Variants in EPHA5 observed in about 807,000 individuals in gnomAD.
EPHA5 encodes EPH receptor A5.
A neutral mutation model predicts 105.0 loss-of-function variants in EPHA5; 60 were observed. That is an observed-to-expected ratio of 0.57 (90% confidence interval 0.46 to 0.71). The LOEUF (loss-of-function observed/expected upper bound fraction) is 0.71. EPHA5 is among the 30% of genes least tolerant of loss of function. The probability of loss-of-function intolerance (pLI) is 0.00; values close to 1 mark genes in which losing one functional copy is unlikely to be tolerated. For synonymous variants in EPHA5, 513 were observed against 449.1 expected, an observed-to-expected ratio of 1.14 and a Z score of -1.80; for missense variants, 1,218 against 1,274.7, an observed-to-expected ratio of 0.96 and a Z score of 0.68.
intron 10 of EPHA5, 77 bp from the exon 11 acceptor site, chr4:65,365,279 C>T (rs190721217): frequency 4.4e-5 from 52 of 1,183,488 alleles, no homozygotes; most frequent in East Asian, 2.6e-4. Flanking sequence ...CCCTCTTAGA[C>T]TACTAAGGCT....
chr4:65,419,302 C>A (rs1425156607), intron 6 of EPHA5, among the ~76,000 whole-genome samples: 1 of 152,134 alleles, frequency 6.6e-6, no homozygotes, highest in Non-Finnish European at 1.5e-5. Flanking sequence ...TATTCTCCCT[C>A]TCTTTTCCAA....
At chr4:65,642,382 T>C (rs181560017) in intron 2 of EPHA5, among the ~76,000 whole-genome samples, 106 of 152,150 alleles carry the variant, frequency 7.0e-4, no homozygotes, top group Admixed American at 1.8e-3. Flanking sequence ...AAAGTATACA[T>C]GTTATCATCT....
chr4:65,446,687 C>T (rs543383011), intron 5 of EPHA5, among the ~76,000 whole-genome samples: 2 of 152,092 alleles, frequency 1.3e-5, no homozygotes, highest in East Asian at 3.9e-4. Context: ...CATGTATGCA[C>T]ATGGGGTGCA....
chr4:65,417,324 CT>C (rs1343586107), intron 6 of EPHA5, among the ~76,000 whole-genome samples: 2 of 152,314 alleles, frequency 1.3e-5, no homozygotes, highest in South Asian at 2.1e-4. Flanking sequence ...TCAAAATCAG[CT>C]TTGAAAACCT....
intron 11 of EPHA5, among the ~76,000 whole-genome samples, chr4:65,353,901 T>C (rs1723063695): frequency 6.6e-6 from 1 of 151,824 alleles, no homozygotes; most frequent in Non-Finnish European, 1.5e-5. Context: ...GTGAAAGATT[T>C]CCTTAGCAGT....
At position 65,366,042 on chromosome 4, in the gene EPHA5, A is replaced by G; in HGVS notation, c.1877T>C (p.Val626Ala). The change falls in exon 10 of 17, where the codon GTA becomes GCA. Residue 626 changes from valine (V) to alanine (A), a missense_variant. By Grantham distance (64) the Val-to-Ala change is moderately conservative. This residue lies in a region of EPHA5 where 971 missense variants were observed against 1,013.5 expected (regional missense o/e 0.96). Coordinates refer to ENST00000613740, the MANE Select transcript of EPHA5 (RefSeq NM_001281766.3). ...FHNGHIKLPG[V>A]RTYIDPHTYE... ...GGTATGTGGATCAATGTAAGTTCTT[A>G]CTCCTGGCAGTTTAACTGTAAATAT... 2 of 1,598,164 alleles carry G rather than the reference A, an allele frequency of 1.3e-6. No homozygotes were observed. The highest frequency in any genetic ancestry group is 2.2e-5 in the East Asian group (1 of 44,630).
intron 3 of EPHA5, among the ~76,000 whole-genome samples, chr4:65,584,441 T>C (rs1741924752): frequency 6.6e-6 from 1 of 151,850 alleles, no homozygotes; most frequent in African/African-American, 2.4e-5. Flanking sequence ...ATAAAGCCCT[T>C]TTCGGATTTT....
At chr4:65,549,841 T>C (rs1261589174) in intron 3 of EPHA5, among the ~76,000 whole-genome samples, 2 of 152,084 alleles carry the variant, frequency 1.3e-5, no homozygotes, top group Non-Finnish European at 2.9e-5. Flanking sequence ...TAAAATTTCT[T>C]GTAGACAAAG....
intron 2 of EPHA5, among the ~76,000 whole-genome samples, chr4:65,604,035 AT>A (rs1319488385): frequency 3.8e-4 from 2 of 5,248 alleles, no homozygotes; most frequent in Non-Finnish European, 8.8e-4. Context: ...TATTTTTTGA[AT>A]TAGTCAAATG....
chr4:65,572,766 C>T (rs978161334), intron 3 of EPHA5, among the ~76,000 whole-genome samples: 2 of 151,858 alleles, frequency 1.3e-5, no homozygotes, highest in African/African-American at 4.8e-5. Flanking sequence ...CGTGGTGGCT[C>T]ACGCCTATAA....
chr4:65,660,053 T>A (rs1749425409), intron 1 of EPHA5, among the ~76,000 whole-genome samples: 1 of 152,084 alleles, frequency 6.6e-6, no homozygotes, highest in Non-Finnish European at 1.5e-5. Flanking sequence ...TACATATATA[T>A]GACATTTTAT....
intron 3 of EPHA5, among the ~76,000 whole-genome samples, chr4:65,520,601 T>C (rs1734596209): frequency 6.6e-6 from 1 of 151,976 alleles, no homozygotes. Context: ...ACCTACAGAA[T>C]GGGAGAAAAT....
chr4:65,448,202 C>T (rs1293422876), intron 5 of EPHA5, among the ~76,000 whole-genome samples: 1 of 145,298 alleles, frequency 6.9e-6, no homozygotes, highest in Non-Finnish European at 1.5e-5. Flanking sequence ...AAAAGTATGT[C>T]ATGAGAAATG....
intron 14 of EPHA5, among the ~76,000 whole-genome samples, chr4:65,347,158 A>G (rs1045054726): frequency 4.1e-5 from 6 of 146,320 alleles, no homozygotes; most frequent in Non-Finnish European, 6.0e-5. Flanking sequence ...TTTATGGAGC[A>G]TGGATGACAG....
intron 2 of EPHA5, among the ~76,000 whole-genome samples, chr4:65,632,553 A>AAAAAT: frequency 6.6e-6 from 1 of 151,114 alleles, no homozygotes; most frequent in African/African-American, 2.4e-5. Context: ...AAAAAAAAAA[A>AAAAAT]TCTGCAGCCT....
intron 6 of EPHA5, among the ~76,000 whole-genome samples, chr4:65,416,039 T>G (rs1342076375): frequency 6.6e-6 from 1 of 152,064 alleles, no homozygotes; most frequent in East Asian, 1.9e-4. Context: ...TATTTCTCAA[T>G]AATATTCAAC....
chr4:65,619,155 A>G (rs548480443), intron 2 of EPHA5, among the ~76,000 whole-genome samples: 13 of 152,318 alleles, frequency 8.5e-5, no homozygotes, highest in African/African-American at 2.6e-4. Flanking sequence ...CCAAAAAAAA[A>G]GAATAAACAA....
At chr4:65,541,486 G>A (rs1480161951) in intron 3 of EPHA5, among the ~76,000 whole-genome samples, 2 of 151,724 alleles carry the variant, frequency 1.3e-5, no homozygotes, top group African/African-American at 4.8e-5. Context: ...AACCAACAAA[G>A]ATCAAAAGAG....
chr4:65,465,658 T>C (rs1728646901), intron 5 of EPHA5, among the ~76,000 whole-genome samples: 1 of 152,146 alleles, frequency 6.6e-6, no homozygotes, highest in South Asian at 2.1e-4. Context: ...ATAATAGGAA[T>C]ATGACAGATG....
Sources: allele counts gnomAD v4.1 joint callset (sites outside exome capture counted in the v4.1 genomes callset), GRCh38; gene constraint gnomAD v4.1.1; regional missense constraint gnomAD v4.1.1; transcripts MANE v1.5; gene names NCBI Gene and HGNC (gene_info 2026-07-23, HGNC 2026-07-21).